PHACTR3: variants seen among roughly 807,000 people sequenced by gnomAD.
PHACTR3 encodes protein phosphatase 1, regulatory subunit 123.
In PHACTR3, 16 loss-of-function variants were observed where a neutral mutation model predicts 66.8. The ratio of observed to expected loss-of-function variants is 0.24; its 90% confidence interval spans 0.16 to 0.36. PHACTR3 has a LOEUF of 0.36. Ranked by LOEUF, PHACTR3 falls within the 10% of genes least tolerant of loss-of-function variation. The probability of loss-of-function intolerance (pLI) is 1.00; values close to 1 mark genes in which losing one functional copy is unlikely to be tolerated. For synonymous variants in PHACTR3, 323 were observed against 292.1 expected (o/e 1.11, Z -1.08); for missense variants, 647 against 719.9 (o/e 0.90, Z 1.16).
At chr20:59,716,594 TA>T in intron 1 of PHACTR3, among the ~76,000 whole-genome samples, 1 of 152,298 alleles carries the variant, frequency 6.6e-6, no homozygotes, top group Admixed American at 6.5e-5. Context: ...TCACTTTTTT[TA>T]GAGAGGACTT....
At position 59,743,166 on chromosome 20, in the gene PHACTR3, C is replaced by T. The variant is rs1203567782; in HGVS notation, c.178C>T (p.Pro60Ser). The part of the protein sequence containing the change: ...PEYLVSGIRT[P>S]PVRRNSKLAT... ...ATATCTGGTCTCAGGGATTCGAACT[C>T]CCCCTGTGAGGAGGAACAGCAAACT... The change falls in exon 2 of 13, where the codon CCC (proline) becomes TCC (serine). Residue 60 changes from proline (P) to serine (S), a missense_variant. Coordinates refer to ENST00000371015, the MANE Select transcript of PHACTR3 (RefSeq NM_080672.5). 1 of 1,614,088 alleles carries T rather than the reference C, an allele frequency of 6.2e-7. No homozygotes were observed. The highest frequency in any genetic ancestry group is 8.5e-7 in the Non-Finnish European group (1 of 1,179,980).
At chr20:59,591,478 G>C (rs189615349) in intron 1 of PHACTR3, among the ~76,000 whole-genome samples, 1 of 152,310 alleles carries the variant, frequency 6.6e-6, no homozygotes, top group Admixed American at 6.5e-5. Flanking sequence ...GGAAACTGAG[G>C]CCTCAGGAAG....
chr20:59,734,139 T>G lies in PHACTR3; in HGVS notation c.119-8968T>G, dbSNP rs142324423. On this transcript the variant is annotated intron_variant, in intron 1 of 12. Coordinates refer to ENST00000371015, the MANE Select transcript of PHACTR3 (RefSeq NM_080672.5). Reference sequence around the variant, plus strand: ...CCTTCCTAAGCTCACCTATGTCAACTCTGTTCCATAGACCATAAGCTCCAG... The same window carrying G: ...CCTTCCTAAGCTCACCTATGTCAACGCTGTTCCATAGACCATAAGCTCCAG... Among the ~76,000 whole-genome samples, 201 of 152,288 alleles carry G rather than the reference T, an allele frequency of 1.3e-3. 1 individual carries two copies. The highest frequency in any genetic ancestry group is 4.7e-3 in the African/African-American group (194 of 41,572).
At chr20:59,596,892 C>T (rs1417266908) in intron 1 of PHACTR3, among the ~76,000 whole-genome samples, 1 of 152,234 alleles carries the variant, frequency 6.6e-6, no homozygotes, top group Non-Finnish European at 1.5e-5. Flanking sequence ...CCCAGCCTGG[C>T]CAGTGGCTTC....
intron 4 of PHACTR3, among the ~76,000 whole-genome samples, chr20:59,758,607 G>A (rs545392408): frequency 3.5e-4 from 53 of 152,264 alleles, no homozygotes; most frequent in Non-Finnish European, 6.5e-4. Flanking sequence ...GTTGGGGAGC[G>A]TGCTCTACTA....
chr20:59,686,737 GTGA>G (rs1349376114), intron 1 of PHACTR3, among the ~76,000 whole-genome samples: 3 of 75,716 alleles, frequency 4.0e-5, no homozygotes, highest in Admixed American at 1.3e-4. Context: ...GATGATGGTG[GTGA>G]TGATGGTGAT....
intron 1 of PHACTR3, among the ~76,000 whole-genome samples, chr20:59,696,818 TGAA>T (rs1344867685): frequency 6.6e-6 from 1 of 152,150 alleles, no homozygotes; most frequent in Non-Finnish European, 1.5e-5. Context: ...TGGGAGACCT[TGAA>T]GGCTGATGCA....
chr20:59,714,398 T>C (rs1213758150), intron 1 of PHACTR3, among the ~76,000 whole-genome samples: 6 of 152,222 alleles, frequency 3.9e-5, no homozygotes, highest in African/African-American at 7.2e-5. Context: ...GAATCAATTT[T>C]CCCATATGGA....
chr20:59,757,874 G>A (rs1333756341), intron 4 of PHACTR3, among the ~76,000 whole-genome samples: 1 of 152,206 alleles, frequency 6.6e-6, no homozygotes, highest in African/African-American at 2.4e-5. Context: ...CGAAGCTGAG[G>A]CGGGAGGATA....
At chr20:59,641,520 C>G (rs1362461619) in intron 1 of PHACTR3, among the ~76,000 whole-genome samples, 1 of 152,200 alleles carries the variant, frequency 6.6e-6, no homozygotes, top group Non-Finnish European at 1.5e-5. Context: ...TTCCGTCTTC[C>G]TGCTCTATTC....
At chr20:59,819,463 G>A (rs2041971094) in intron 8 of PHACTR3, among the ~76,000 whole-genome samples, 1 of 151,910 alleles carries the variant, frequency 6.6e-6, no homozygotes, top group African/African-American at 2.4e-5. Context: ...TTGAGCCTAG[G>A]AGTTAGAGGC....
At chr20:59,811,781 AG>A (rs1025259492) in intron 8 of PHACTR3, among the ~76,000 whole-genome samples, 29 of 152,204 alleles carry the variant, frequency 1.9e-4, no homozygotes, top group African/African-American at 6.8e-4. Context: ...TGCAGCAAGC[AG>A]GCTAGAGCCC....
chr20:59,814,279 G>T (rs554624186), intron 8 of PHACTR3, among the ~76,000 whole-genome samples: 6 of 152,342 alleles, frequency 3.9e-5, no homozygotes, highest in African/African-American at 1.2e-4. Context: ...CTGGGGACGC[G>T]GGGCTGCAGA....
rs553027228 is a variant in PHACTR3, at chr20:59,756,174, A to G, written c.541+810A>G. On this transcript the variant is annotated intron_variant, in intron 4 of 12. Coordinates refer to ENST00000371015, the MANE Select transcript of PHACTR3 (RefSeq NM_080672.5). ...AGGAACTGGCCACAGACACCTGCAG[A>G]TGCTTCACCAGCTCCTCCTCCTCCT... Among the ~76,000 whole-genome samples the G allele has an allele frequency of 4.6e-5, 7 of 152,326 alleles. No individual in the cohort carries two copies. The South Asian group carries it at 1.4e-3, about 32-fold the overall frequency.
At chr20:59,841,887 T>C (rs2145518496) in intron 11 of PHACTR3, among the ~76,000 whole-genome samples, 1 of 151,998 alleles carries the variant, frequency 6.6e-6, no homozygotes, top group South Asian at 2.1e-4. Context: ...GTCAAGACTG[T>C]GGAAATTGAG....
At chr20:59,781,385 C>T (rs537204320) in intron 7 of PHACTR3, among the ~76,000 whole-genome samples, 335 of 152,334 alleles carry the variant, frequency 2.2e-3, no homozygotes, top group African/African-American at 3.5e-3. Context: ...TAACCCACGG[C>T]GCCCAGCCTC....
chr20:59,735,186 GC>G (rs1424631492), intron 1 of PHACTR3, among the ~76,000 whole-genome samples: 1 of 152,202 alleles, frequency 6.6e-6, no homozygotes, highest in East Asian at 1.9e-4. Context: ...TTATGAGGTT[GC>G]CTTACACTTT....
chr20:59,683,200 T>C (rs965335695), intron 1 of PHACTR3, among the ~76,000 whole-genome samples: 1 of 152,132 alleles, frequency 6.6e-6, no homozygotes, highest in Non-Finnish European at 1.5e-5. Flanking sequence ...GCGTTGGTCC[T>C]GGCCTATGAG....
At chr20:59,721,257 G>C (rs530713580) in intron 1 of PHACTR3, 2 of 152,392 alleles carry the variant, frequency 1.3e-5, no homozygotes, top group Admixed American at 1.3e-4. Context: ...GCCTTGCTCT[G>C]CTGCCCCAGG....
Sources: gnomAD v4.1 joint callset for allele counts (sites outside exome capture counted in the v4.1 genomes callset) on GRCh38, gnomAD v4.1.1 for gene constraint, MANE v1.5 for transcripts, NCBI Gene and HGNC (gene_info 2026-07-23, HGNC 2026-07-21) for gene names.